Variants in AFDN observed in about 807,000 individuals in gnomAD.
AFDN encodes afadin, adherens junction formation factor, also known as afadin.
In AFDN, 68 loss-of-function variants were observed where a neutral mutation model predicts 216.6. The ratio of observed to expected loss-of-function variants is 0.31; its 90% CI spans 0.26 to 0.38. AFDN has a LOEUF of 0.38. AFDN is among the 10% of genes least tolerant of loss of function. The probability of loss-of-function intolerance (pLI) is 1.00; values close to 1 mark genes in which losing one functional copy is unlikely to be tolerated. For missense variants in AFDN, 2,136 were observed against 2,342.0 expected (o/e 0.91, Z 1.82); for synonymous variants, 868 against 853.7 (o/e 1.02, Z -0.29).
intron 13 of AFDN, among the ~76,000 whole-genome samples, chr6:167,909,102 A>G (rs983042642): frequency 6.6e-6 from 1 of 152,166 alleles, no homozygotes; most frequent in African/African-American, 2.4e-5. Flanking sequence ...CTGCCTAGCT[A>G]CAATTTTAGT....
In AFDN at chr6:167,962,936, G is replaced by A. The variant is rs1583069234; in HGVS notation, c.4968+369G>A. On this transcript the variant is annotated intron_variant, in intron 31 of 33. Coordinates refer to ENST00000683244, the MANE Select transcript of AFDN (RefSeq NM_001386888.1). This position sits in a 1 kb window ranked among gnomAD's most constrained non-coding sequence, Gnocchi z 5.2. ...GGTTCAGTGATTGCTTAAATGGCAT[G>A]TGGACCGTGGGAAGCAGTAGGAGCG... is the stretch of plus-strand genomic sequence containing the variant. 6 of 1,129,546 alleles carry A rather than the reference G, an allele frequency of 5.3e-6. No individual in the cohort carries two copies. The East Asian group carries it at 2.3e-4, about 44-fold the overall frequency. 70.0% of individuals were successfully genotyped at this position (1,129,546 alleles called of 1,614,324 possible). A position where few individuals can be genotyped will look rare whatever the true frequency, so the allele number is the denominator to read the frequency against.
intron 23 of AFDN, among the ~76,000 whole-genome samples, chr6:167,940,218 G>C (rs1794521946): frequency 6.6e-6 from 1 of 152,060 alleles, no homozygotes; most frequent in Non-Finnish European, 1.5e-5. Flanking sequence ...GAGAGATGTA[G>C]GGGTGAGGGT....
At chr6:167,858,986 A>G (rs1783214320) in intron 1 of AFDN, among the ~76,000 whole-genome samples, 1 of 151,634 alleles carries the variant, frequency 6.6e-6, no homozygotes, top group Admixed American at 6.6e-5. Context: ...GAGGAGTGGG[A>G]GGAAAGGGCT....
chr6:167,964,020 G>C, intron 31 of AFDN: 1 of 1,064,540 alleles, frequency 9.4e-7, no homozygotes, highest in South Asian at 4.6e-5. Context: ...GGGCAGCTGG[G>C]TTGTCACGGC....
intron 13 of AFDN, among the ~76,000 whole-genome samples, chr6:167,909,963 G>A (rs971252221): frequency 1.5e-4 from 23 of 152,102 alleles, no homozygotes; most frequent in Admixed American, 1.1e-3. Context: ...TATGTGTTTC[G>A]CTGGTTTTTG....
rs148238913 is a variant in AFDN, at chr6:167,970,445, G to A, written c.*510G>A. On this transcript the variant is annotated 3_prime_UTR_variant, in exon 34 of 34. Coordinates refer to ENST00000683244, the MANE Select transcript of AFDN (RefSeq NM_001386888.1). Reference sequence around the variant, plus strand: ...CCCGGGAAGGAACATATGACGACATGCTCCTCCCATGTCCCCTGATGGTGT... The same window carrying A: ...CCCGGGAAGGAACATATGACGACATACTCCTCCCATGTCCCCTGATGGTGT... The A allele has an allele frequency of 7.2e-5, 16 of 220,694 alleles. No homozygotes were observed. Among genetic ancestry groups the A allele is most frequent in the African/African-American group, 3.4e-4 (15 of 44,738 alleles). 13.7% of individuals were successfully genotyped at this position (220,694 alleles called of 1,614,324 possible). A position where few individuals can be genotyped will look rare whatever the true frequency, so the allele number is the denominator to read the frequency against.
In AFDN at chr6:167,962,340, G is replaced by A; in HGVS notation, c.4834-93G>A. The A allele has an allele frequency of 2.0e-6, 3 of 1,523,560 alleles. No individual in the cohort carries two copies. Among genetic ancestry groups the A allele is most frequent in the Non-Finnish European group, 2.7e-6 (3 of 1,117,996 alleles). The allele number at this position is 1,523,560 out of a possible 1,614,324, so 94.4% of individuals were successfully genotyped here. A position where few individuals can be genotyped will look rare whatever the true frequency, so the allele number is the denominator to read the frequency against. ...TTTAACTTTCTGTGTGTGTGTGTTT[G>A]TGTATATGTGTGTCTACTTGTCTTA... On this transcript the variant is annotated intron_variant, in intron 30 of 33. Transcript: ENST00000683244. The surrounding 1 kb of genome is among the most constrained non-coding windows in gnomAD (Gnocchi z 5.2).
chr6:167,948,619 G>C lies in AFDN; in HGVS notation c.3831+141G>C, dbSNP rs1013680490. 4 of 710,764 alleles carry C rather than the reference G, an allele frequency of 5.6e-6. No homozygotes were observed. The African/African-American group carries it at 7.2e-5, about 13-fold the overall frequency. The allele number at this position is 710,764 out of a possible 1,614,324, so 44.0% of individuals were successfully genotyped here. A position where few individuals can be genotyped will look rare whatever the true frequency, so the allele number is the denominator to read the frequency against. On this transcript the variant is annotated intron_variant, in intron 29 of 33. Transcript: ENST00000683244. ...TAATGGTTTTGTGGTTAAGTTTGAG[G>C]AAAAAAGGAGACAGGATAGAATACT...
chr6:167,930,809 TGAG>T (rs1793192217), intron 23 of AFDN, among the ~76,000 whole-genome samples: 1 of 152,208 alleles, frequency 6.6e-6, no homozygotes, highest in Admixed American at 6.5e-5. Context: ...TGGACAGAGC[TGAG>T]GATTTTATTA....
chr6:167,885,759 A>C (rs1228067347), intron 6 of AFDN, among the ~76,000 whole-genome samples: 1 of 152,252 alleles, frequency 6.6e-6, no homozygotes, highest in African/African-American at 2.4e-5. Flanking sequence ...GCTTGCCGCA[A>C]ACCTTCAACT....
intron 6 of AFDN, among the ~76,000 whole-genome samples, chr6:167,886,851 C>T (rs1035063513): frequency 8.6e-5 from 13 of 151,884 alleles, no homozygotes; most frequent in African/African-American, 2.9e-4. Context: ...CCTGTCTCTA[C>T]TAAAAATACA....
intron 32 of AFDN, chr6:167,966,257 C>T: frequency 6.6e-7 from 1 of 1,525,042 alleles, no homozygotes; most frequent in Non-Finnish European, 8.8e-7. Flanking sequence ...CCTACCATCC[C>T]AGCCACTGCA....
chr6:167,946,621 C>A, intron 26 of AFDN, 86 bp from the exon 27 acceptor site: 2 of 1,231,184 alleles, frequency 1.6e-6, no homozygotes, highest in Non-Finnish European at 2.3e-6. Context: ...ATTTCTTATG[C>A]TAAGAACAAT....
chr6:167,897,119 T>C (rs1788360546), intron 10 of AFDN, 147 bp downstream of exon 10: 1 of 447,580 alleles, frequency 2.2e-6, no homozygotes, highest in South Asian at 4.7e-5. Flanking sequence ...TGGGTCACTT[T>C]TCTCTGCTTT....
rs745422957 is a variant in AFDN at position 167,907,341 on chromosome 6, A to G, written c.1769+52A>G. 4.3e-6 allele frequency: 6 copies of G among 1,397,406 alleles called. No individual in the cohort carries two copies. In the East Asian group the frequency reaches 1.4e-4, roughly 32 times the overall value. The allele number at this position is 1,397,406 out of a possible 1,614,324, so 86.6% of individuals were successfully genotyped here. A position where few individuals can be genotyped will look rare whatever the true frequency, so the allele number is the denominator to read the frequency against. On this transcript the variant is annotated intron_variant, in intron 13 of 33. Transcript: ENST00000683244. ...TGAAAGTACTGAAAGTATTCCTAAA[A>G]AAGGGTTGGGATAAAGATTGTTGAA...
At chr6:167,936,798 T>C (rs1199698061) in intron 23 of AFDN, among the ~76,000 whole-genome samples, 1 of 152,156 alleles carries the variant, frequency 6.6e-6, no homozygotes, top group Non-Finnish European at 1.5e-5. Context: ...CTGAGAAACC[T>C]TGGACAAGTG....
intron 23 of AFDN, among the ~76,000 whole-genome samples, chr6:167,941,951 T>G (rs1794736930): frequency 1.3e-5 from 2 of 152,370 alleles, no homozygotes; most frequent in South Asian, 4.1e-4. Flanking sequence ...AAGTATATAC[T>G]GCTCTCCAAA....
chr6:167,902,181 C>A, intron 11 of AFDN, 136 bp from the exon 12 acceptor site: 1 of 555,248 alleles, frequency 1.8e-6, no homozygotes, highest in Admixed American at 3.1e-5. Context: ...TCTGTAAGTT[C>A]GTGTGCTGAA....
In AFDN at chr6:167,864,660, T is replaced by C. The variant is rs192869579; in HGVS notation, c.215T>C (p.Ile72Thr). The C allele has an allele frequency of 9.6e-4, 1,550 of 1,614,178 alleles. 20 individuals carry two copies. Among genetic ancestry groups the C allele is most frequent in the Non-Finnish European group, 1.8e-4 (208 of 1,180,030 alleles). Reference protein sequence around the residue: ...VSSTATTQDVIETLAEKFRPD... With the variant: ...VSSTATTQDVTETLAEKFRPD... Reference sequence around the variant, plus strand: ...AGTACTGCCACCACTCAAGATGTAATCGAAACGCTCGCGGAGAAATTTCGA... The same window carrying C: ...AGTACTGCCACCACTCAAGATGTAACCGAAACGCTCGCGGAGAAATTTCGA... The change falls in exon 2 of 34, where the codon ATC becomes ACC. Residue 72 changes from isoleucine (I) to threonine (T), a missense_variant. This residue lies in a region of AFDN where 817 missense variants were observed against 965.7 expected (regional missense o/e 0.85). Coordinates refer to ENST00000683244, the MANE Select transcript of AFDN (RefSeq NM_001386888.1).
Sources: gnomAD v4.1 joint callset for allele counts (sites outside exome capture counted in the v4.1 genomes callset) on GRCh38, gnomAD v4.1.1 for gene constraint, gnomAD v4.1.1 regional missense constraint, Gnocchi (gnomAD v3.1) non-coding constraint, MANE v1.5 for transcripts, NCBI Gene and HGNC (gene_info 2026-07-23, HGNC 2026-07-21) for gene names.